The following TLK1 variants were observed in gnomAD, a reference collection of about 807,000 sequenced individuals.
TLK1 encodes serine/threonine-protein kinase tousled-like 1.
A neutral mutation model predicts 105.3 loss-of-function variants in TLK1; 24 were observed. The observed-to-expected ratio is 0.23, with a 90% CI of 0.17 to 0.32. The LOEUF is 0.32. Ranked by LOEUF, TLK1 falls within the 10% of genes least tolerant of loss-of-function variation. TLK1 has a pLI of 1.00. For synonymous variants in TLK1, 321 were observed against 310.4 expected, an observed-to-expected ratio of 1.03 and a Z score of -0.36; for missense variants, 558 against 910.5, an observed-to-expected ratio of 0.61 and a Z score of 4.98.
chr2:171,151,113 C>G (rs920924786), intron 1 of TLK1, among the ~76,000 whole-genome samples: 1 of 152,086 alleles, frequency 6.6e-6, no homozygotes, highest in Non-Finnish European at 1.5e-5. Context: ...CCTCAACCTC[C>G]TGGGCTCAGG....
intron 1 of TLK1, among the ~76,000 whole-genome samples, chr2:171,141,880 A>G (rs1329131835): frequency 6.6e-6 from 1 of 152,214 alleles, no homozygotes; most frequent in Non-Finnish European, 1.5e-5. Context: ...TGCACTAAAG[A>G]TTGAAGAAAA....
At chr2:171,184,948 C>T (rs766939573) in intron 1 of TLK1, among the ~76,000 whole-genome samples, 5 of 152,080 alleles carry the variant, frequency 3.3e-5, no homozygotes, top group Non-Finnish European at 1.5e-5. Context: ...AGGCCATTCT[C>T]CTGCCTCAGA....
At chr2:171,040,876 C>T (rs1422731002) in intron 11 of TLK1, among the ~76,000 whole-genome samples, 1 of 151,902 alleles carries the variant, frequency 6.6e-6, no homozygotes, top group African/African-American at 2.4e-5. Context: ...CACGCCCAGC[C>T]TAAAATATAT....
intron 2 of TLK1, among the ~76,000 whole-genome samples, chr2:171,096,774 T>C (rs760371249): frequency 1.4e-5 from 2 of 141,524 alleles, no homozygotes; most frequent in Non-Finnish European, 3.1e-5. Context: ...AAAAAAAAAA[T>C]TAACCAAGGA....
At chr2:171,076,796 C>T (rs879433130) in intron 3 of TLK1, among the ~76,000 whole-genome samples, 8 of 151,436 alleles carry the variant, frequency 5.3e-5, no homozygotes, top group Non-Finnish European at 1.0e-4. Context: ...CGCTTGTAGT[C>T]CCAGCTACTC....
At chr2:171,173,398 ACATCTCAGT>A (rs905388510) in intron 1 of TLK1, among the ~76,000 whole-genome samples, 18 of 151,928 alleles carry the variant, frequency 1.2e-4, no homozygotes, top group Admixed American at 4.6e-4. Context: ...TGGTGTCATC[ACATCTCAGT>A]GCAGCCCCAA....
chr2:171,204,113 A>T (rs1286443886), intron 1 of TLK1, among the ~76,000 whole-genome samples: 1 of 152,216 alleles, frequency 6.6e-6, no homozygotes, highest in Non-Finnish European at 1.5e-5. Flanking sequence ...ACATTTAAGT[A>T]AGCATTTTGT....
At chr2:171,157,517 C>G (rs1692286778) in intron 1 of TLK1, among the ~76,000 whole-genome samples, 1 of 152,164 alleles carries the variant, frequency 6.6e-6, no homozygotes, top group African/African-American at 2.4e-5. Flanking sequence ...GGAAAGAAAT[C>G]TATACTATAT....
At chr2:171,173,829 G>A (rs960161482) in intron 1 of TLK1, among the ~76,000 whole-genome samples, 6 of 151,906 alleles carry the variant, frequency 3.9e-5, no homozygotes, top group African/African-American at 1.5e-4. Context: ...CACTATCTTG[G>A]GTAGAAATGA....
chr2:171,179,684 G>A (rs1692892284), intron 1 of TLK1, among the ~76,000 whole-genome samples: 1 of 152,190 alleles, frequency 6.6e-6, no homozygotes, highest in East Asian at 1.9e-4. Flanking sequence ...GCAGCCGGGT[G>A]CAGTGGCTCA....
chr2:171,031,325 G>C (rs1026397409), intron 11 of TLK1, among the ~76,000 whole-genome samples: 1 of 152,124 alleles, frequency 6.6e-6, no homozygotes, highest in African/African-American at 2.4e-5. Flanking sequence ...AAGCAACTGG[G>C]AACAATCTTC....
chr2:171,055,814 G>C (rs949635278), intron 6 of TLK1, among the ~76,000 whole-genome samples: 3 of 151,860 alleles, frequency 2.0e-5, no homozygotes, highest in Admixed American at 6.6e-5. Context: ...ATAAAAACAA[G>C]ATGTTTGAAT....
At chr2:171,010,017 C>A (rs1424291568) in intron 14 of TLK1, among the ~76,000 whole-genome samples, 2 of 152,136 alleles carry the variant, frequency 1.3e-5, no homozygotes, top group Admixed American at 6.5e-5. Flanking sequence ...TCAAGTAGGA[C>A]AGATGATCAG....
chr2:171,079,802 A>C (rs866208603), intron 3 of TLK1, among the ~76,000 whole-genome samples: 1 of 152,188 alleles, frequency 6.6e-6, no homozygotes, highest in Admixed American at 6.5e-5. Flanking sequence ...GGGTAGAAGA[A>C]AACAAGAGGA....
chr2:171,060,225 G>C (rs1227701581), intron 4 of TLK1, among the ~76,000 whole-genome samples: 4 of 152,122 alleles, frequency 2.6e-5, no homozygotes, highest in East Asian at 1.9e-4. Context: ...TTATTCGGGG[G>C]CTTGTTTTTG....
intron 12 of TLK1, among the ~76,000 whole-genome samples, chr2:171,027,330 T>C (rs957080396): frequency 8.5e-5 from 13 of 152,122 alleles, no homozygotes; most frequent in African/African-American, 3.1e-4. Context: ...AAAAAGAACT[T>C]TATGTCTGTC....
upstream of TLK1, among the ~76,000 whole-genome samples, chr2:171,163,267 A>C (rs1692549451): frequency 6.6e-6 from 1 of 152,216 alleles, no homozygotes; most frequent in Non-Finnish European, 1.5e-5. Flanking sequence ...GGCTGTTACG[A>C]ATAATGCTGC....
intron 10 of TLK1, among the ~76,000 whole-genome samples, chr2:171,048,697 T>C (rs373937956): frequency 2.8e-5 from 1 of 35,622 alleles, no homozygotes; most frequent in African/African-American, 5.1e-5. Flanking sequence ...CACAGATATG[T>C]TGAAGAAAAG....
At chr2:171,108,806 G>A (rs1690043437) in intron 2 of TLK1, among the ~76,000 whole-genome samples, 1 of 152,024 alleles carries the variant, frequency 6.6e-6, no homozygotes, top group Admixed American at 6.6e-5. Flanking sequence ...ATGTTGCCCA[G>A]GCTGGTCTCG....
Sources: allele counts gnomAD v4.1 joint callset (sites outside exome capture counted in the v4.1 genomes callset), GRCh38; gene constraint gnomAD v4.1.1; transcripts MANE v1.5; gene names NCBI Gene and HGNC (gene_info 2026-07-23, HGNC 2026-07-21).